Variants in ADAMTS19 observed in about 807,000 individuals in gnomAD.
The protein encoded by ADAMTS19 is A disintegrin and metalloproteinase with thrombospondin motifs 19.
In ADAMTS19, 93 loss-of-function variants were observed where a neutral mutation model predicts 153.3. The ratio of observed to expected loss-of-function variants is 0.61; its 90% CI spans 0.51 to 0.72. The LOEUF (loss-of-function observed/expected upper bound fraction) is 0.72. Ranked by LOEUF, ADAMTS19 falls within the 30% of genes least tolerant of loss-of-function variation. The pLI, the probability that ADAMTS19 is intolerant of heterozygous loss-of-function variation, is 0.00. For synonymous variants in ADAMTS19, 600 were observed against 556.6 expected, an observed-to-expected ratio of 1.08 and a Z score of -1.10; for missense variants, 1,482 against 1,552.1, an observed-to-expected ratio of 0.95 and a Z score of 0.76.
chr5:129,619,895 C>G (rs1210696309), intron 8 of ADAMTS19, among the ~76,000 whole-genome samples: 1 of 151,692 alleles, frequency 6.6e-6, no homozygotes, highest in Non-Finnish European at 1.5e-5. Flanking sequence ...CTTGAAGATT[C>G]TTTATTTGGT....
intron 16 of ADAMTS19, among the ~76,000 whole-genome samples, chr5:129,673,679 G>A (rs1033997344): frequency 1.7e-4 from 26 of 151,992 alleles, no homozygotes; most frequent in African/African-American, 5.8e-4. Context: ...TATTCTTACT[G>A]ATACTCATCT....
intron 15 of ADAMTS19, among the ~76,000 whole-genome samples, chr5:129,660,481 G>T (rs1753774705): frequency 6.6e-6 from 1 of 151,680 alleles, no homozygotes; most frequent in South Asian, 2.1e-4. Context: ...TATTTAGTAT[G>T]CCTGGAAACA....
intron 6 of ADAMTS19, among the ~76,000 whole-genome samples, chr5:129,536,209 T>G (rs907065826): frequency 6.6e-6 from 1 of 152,016 alleles, no homozygotes; most frequent in African/African-American, 2.4e-5. Context: ...TCCAACAGAT[T>G]TACAAGAAAA....
rs1754011337 is a variant in ADAMTS19, at chr5:129,665,570, A to G, written c.2497A>G (p.Ser833Gly). The G allele has an allele frequency of 2.5e-6, 4 of 1,609,616 alleles. No homozygotes were observed. Among genetic ancestry groups the G allele is most frequent in the Non-Finnish European group, 3.4e-6 (4 of 1,177,066 alleles). ...AGTTGTGGAGGAAAAGCCGGCACAT[A>G]GCTATTTAGGTAACCTGTGTTACAG... The part of the protein sequence containing the change: ...IKVVEEKPAH[S>G]YLALRDAGKQ... Residue 833 changes from serine (S) to glycine (G), a missense_variant, in exon 16 of 23, where the codon AGC becomes GGC. Coordinates refer to ENST00000274487, the MANE Select transcript of ADAMTS19 (RefSeq NM_133638.6).
At chr5:129,480,375 C>T (rs1388927066) in intron 2 of ADAMTS19, among the ~76,000 whole-genome samples, 1 of 152,042 alleles carries the variant, frequency 6.6e-6, no homozygotes, top group East Asian at 1.9e-4. Flanking sequence ...AAAGCTACAA[C>T]CTTAAAAGAA....
chr5:129,639,788 A>C (rs1210193469), intron 10 of ADAMTS19, among the ~76,000 whole-genome samples: 1 of 152,164 alleles, frequency 6.6e-6, no homozygotes, highest in African/African-American at 2.4e-5. Flanking sequence ...TTTTCTTCTA[A>C]AGAAAAATCA....
intron 6 of ADAMTS19, among the ~76,000 whole-genome samples, chr5:129,548,718 C>G (rs1266032284): frequency 6.6e-6 from 1 of 151,962 alleles, no homozygotes; most frequent in African/African-American, 2.4e-5. Flanking sequence ...TATAAAGACA[C>G]ATGCACACGT....
Position 129,461,593 on chromosome 5 carries a change from C to G in ADAMTS19, c.583C>G (p.Pro195Ala), listed in dbSNP as rs1749665431. ...LLRRDGRFLA[P>A]RFAVEQRPNP... ...CCGGAGAGACGGCCGCTTCCTGGCG[C>G]CGCGCTTCGCAGTGGAACAGCGGCC... The change falls in exon 2 of 23, where the codon CCG becomes GCG. Residue 195 changes from proline (P) to alanine (A), a missense_variant. Physicochemically the swap from Pro to Ala is conservative, Grantham distance 27. Around this residue, in one of 2 missense-constraint regions of ADAMTS19, gnomAD observed 866 missense variants for 827.7 expected, o/e 1.05. Transcript: ENST00000274487. The surrounding 1 kb of genome is among the most constrained non-coding windows in gnomAD (Gnocchi z 4.6). The G allele has an allele frequency of 2.5e-6, 4 of 1,582,654 alleles. No homozygotes were observed. The highest frequency in any genetic ancestry group is 3.4e-6 in the Non-Finnish European group (4 of 1,171,564).
intron 2 of ADAMTS19, among the ~76,000 whole-genome samples, chr5:129,495,047 T>C (rs1244080897): frequency 6.6e-6 from 1 of 152,128 alleles, no homozygotes; most frequent in Non-Finnish European, 1.5e-5. Flanking sequence ...ACTGAATCAA[T>C]AAATTGTTTT....
chr5:129,463,362 T>A (rs186280191), intron 2 of ADAMTS19, among the ~76,000 whole-genome samples: 7 of 152,322 alleles, frequency 4.6e-5, no homozygotes, highest in Non-Finnish European at 8.8e-5. Flanking sequence ...ACCTGCAGGT[T>A]GTGCACGTGT....
chr5:129,471,679 A>T (rs1458490221), intron 2 of ADAMTS19, among the ~76,000 whole-genome samples: 1 of 151,878 alleles, frequency 6.6e-6, no homozygotes, highest in Non-Finnish European at 1.5e-5. Context: ...CCCATTAGTT[A>T]TTTTTTCTTA....
chr5:129,579,700 C>T (rs1018717244), intron 7 of ADAMTS19, among the ~76,000 whole-genome samples: 1 of 152,152 alleles, frequency 6.6e-6, no homozygotes, highest in Non-Finnish European at 1.5e-5. Flanking sequence ...GGAATCCTTT[C>T]CCCATTGCTT....
At chr5:129,625,675 C>G (rs1050748338) in intron 10 of ADAMTS19, among the ~76,000 whole-genome samples, 2 of 152,204 alleles carry the variant, frequency 1.3e-5, no homozygotes, top group Non-Finnish European at 2.9e-5. Flanking sequence ...CCTTTGCCCA[C>G]TTTTTAATGG....
chr5:129,525,290 C>T (rs6894079), intron 3 of ADAMTS19, among the ~76,000 whole-genome samples: 3,101 of 152,110 alleles, frequency 0.02, 105 homozygotes, highest in African/African-American at 0.071. Flanking sequence ...TTCTATTTGT[C>T]CCCACAGTCT....
At chr5:129,727,498 A>T (rs1451932925) in intron 21 of ADAMTS19, among the ~76,000 whole-genome samples, 1 of 152,192 alleles carries the variant, frequency 6.6e-6, no homozygotes, top group Admixed American at 6.6e-5. Flanking sequence ...GTATGTGGAA[A>T]AGGGAAATAT....
At chr5:129,581,231 T>C (rs1749500232) in intron 7 of ADAMTS19, among the ~76,000 whole-genome samples, 1 of 152,006 alleles carries the variant, frequency 6.6e-6, no homozygotes, top group Non-Finnish European at 1.5e-5. Flanking sequence ...TTGAGGTATT[T>C]ATAGTATTCT....
At chr5:129,635,998 G>A (rs528680074) in intron 10 of ADAMTS19, among the ~76,000 whole-genome samples, 256 of 152,234 alleles carry the variant, frequency 1.7e-3, no homozygotes, top group Non-Finnish European at 2.2e-3. Flanking sequence ...CCAGGTTCAA[G>A]CAATTCTCTT....
chr5:129,609,234 G>A (rs569336403), intron 8 of ADAMTS19, among the ~76,000 whole-genome samples: 1 of 152,112 alleles, frequency 6.6e-6, no homozygotes, highest in Non-Finnish European at 1.5e-5. Context: ...TTGAATTATT[G>A]TTCTGCCAGC....
intron 12 of ADAMTS19, 33 bp from the exon 13 acceptor site, chr5:129,648,765 C>T (rs1753181689): frequency 6.3e-7 from 1 of 1,592,648 alleles, no homozygotes; most frequent in Non-Finnish European, 8.6e-7. Context: ...ACATAAAAAA[C>T]ATAAAATTGA....
Sources: gnomAD v4.1 joint callset for allele counts (sites outside exome capture counted in the v4.1 genomes callset) on GRCh38, gnomAD v4.1.1 for gene constraint, gnomAD v4.1.1 regional missense constraint, Gnocchi (gnomAD v3.1) non-coding constraint, MANE v1.5 for transcripts, NCBI Gene and HGNC (gene_info 2026-07-23, HGNC 2026-07-21) for gene names.